Variants in ANK1 observed in about 807,000 individuals in gnomAD.
ANK1 encodes ankyrin-1.
A neutral mutation model predicts 210.4 loss-of-function variants in ANK1; 51 were observed. The observed-to-expected ratio is 0.24, with a 90% confidence interval of 0.19 to 0.31. The LOEUF is 0.31. Among genes scored for constraint, ANK1 ranks in the 10% least tolerant of loss-of-function variants. ANK1 has a pLI of 1.00. For missense variants in ANK1, 2,051 were observed against 2,504.4 expected, an observed-to-expected ratio of 0.82 and a Z score of 3.86; for synonymous variants, 967 against 1,025.9, an observed-to-expected ratio of 0.94 and a Z score of 1.10.
At chr8:41,736,597 T>G (rs1237627715) in intron 2 of ANK1, among the ~76,000 whole-genome samples, 1 of 152,194 alleles carries the variant, frequency 6.6e-6, no homozygotes, top group Non-Finnish European at 1.5e-5. Context: ...CAGCCTTGCC[T>G]CGGTGCTGAC....
chr8:41,823,603 GA>G (rs1012001732), intron 1 of ANK1, among the ~76,000 whole-genome samples: 15 of 145,222 alleles, frequency 1.0e-4, no homozygotes, highest in East Asian at 2.0e-4. Context: ...TACAAAAACT[GA>G]AAAAAAAAAA....
At chr8:41,872,609 C>T (rs921116288) in intron 1 of ANK1, among the ~76,000 whole-genome samples, 6 of 152,350 alleles carry the variant, frequency 3.9e-5, no homozygotes, top group South Asian at 2.1e-4. Flanking sequence ...CGCGTCCAGC[C>T]GCAGATGCAT....
At position 41,661,553 on chromosome 8, in the gene ANK1, T is replaced by C. The variant is rs376328374; in HGVS notation, c.5556A>G (p.Arg1852=). 9 of 1,613,774 alleles carry C rather than the reference T, an allele frequency of 5.6e-6. No individual in the cohort carries two copies. Among genetic ancestry groups the C allele is most frequent in the Non-Finnish European group, 4.2e-6 (5 of 1,180,024 alleles). The change falls in exon 42 of 43, where the codon AGA becomes AGG. Residue 1852 remains arginine, a synonymous_variant. Coordinates refer to ENST00000289734, the MANE Select transcript of ANK1 (RefSeq NM_000037.4). The part of the protein sequence containing the change: ...AAQEHEEVEL[R]GSGLQPDLIE... ...TCAGGTCCGGCTGTAGGCCACTCCC[T>C]CTCAGCTCCACCTGCAGACAGCAGC...
At chr8:41,668,659 C>T (rs1241911473) in intron 38 of ANK1, 95 bp from the exon 39 acceptor site, 7 of 1,347,724 alleles carry the variant, frequency 5.2e-6, no homozygotes, top group Non-Finnish European at 7.1e-6. Context: ...ACTCTCCCCA[C>T]CCAGAGCTCT....
intron 1 of ANK1, among the ~76,000 whole-genome samples, chr8:41,824,216 C>T (rs1283638974): frequency 2.0e-5 from 3 of 152,136 alleles, no homozygotes; most frequent in African/African-American, 7.2e-5. Context: ...CCAACCGCCT[C>T]GGCCTCCCAA....
intron 1 of ANK1, among the ~76,000 whole-genome samples, chr8:41,846,558 T>C (rs1251149630): frequency 6.6e-6 from 1 of 152,182 alleles, no homozygotes; most frequent in African/African-American, 2.4e-5. Flanking sequence ...CAAGGGGAAA[T>C]TGCTTCTTAA....
chr8:41,761,968 A>G (rs1395338807), intron 1 of ANK1, among the ~76,000 whole-genome samples: 1 of 151,568 alleles, frequency 6.6e-6, no homozygotes, highest in African/African-American at 2.4e-5. Flanking sequence ...CACCCAGCCA[A>G]CCTCCTCCAT....
chr8:41,716,408 A>G (rs1248044013), intron 13 of ANK1, among the ~76,000 whole-genome samples: 6 of 151,996 alleles, frequency 3.9e-5, no homozygotes, highest in Admixed American at 3.9e-4. Flanking sequence ...GCCAGGTCTC[A>G]TGGGGCCCAG....
At chr8:41,697,753 G>A in intron 24 of ANK1, 1 of 493,116 alleles carries the variant, frequency 2.0e-6, no homozygotes. Flanking sequence ...AAGACAGTGG[G>A]CTGGTCAAGG....
At chr8:41,674,656 G>A (rs1377821090) in intron 37 of ANK1, among the ~76,000 whole-genome samples, 1 of 152,202 alleles carries the variant, frequency 6.6e-6, no homozygotes, top group Non-Finnish European at 1.5e-5. Flanking sequence ...AACGTGCCCG[G>A]AGCCATGCTG....
At chr8:41,659,595 G>A (rs1313556181) in intron 42 of ANK1, among the ~76,000 whole-genome samples, 3 of 152,198 alleles carry the variant, frequency 2.0e-5, no homozygotes, top group African/African-American at 4.8e-5. Context: ...TGTAGCCTTT[G>A]CCCTGGTTGG....
intron 1 of ANK1, among the ~76,000 whole-genome samples, chr8:41,833,646 G>T (rs1250008572): frequency 2.6e-5 from 4 of 152,186 alleles, no homozygotes; most frequent in Non-Finnish European, 4.4e-5. Flanking sequence ...CCCAAAGATG[G>T]GCTAGAGTTT....
chr8:41,668,131 G>A, intron 39 of ANK1, 136 bp downstream of exon 39: 1 of 1,289,806 alleles, frequency 7.8e-7, no homozygotes, highest in Non-Finnish European at 1.1e-6. Flanking sequence ...TAGAGAAACG[G>A]AAGCACCACC....
At chr8:41,667,749 A>G (rs1254691218) in intron 39 of ANK1, among the ~76,000 whole-genome samples, 3 of 152,250 alleles carry the variant, frequency 2.0e-5, no homozygotes, top group Admixed American at 2.0e-4. Context: ...ACCGCCATCC[A>G]GAGTCCACGT....
intron 1 of ANK1, among the ~76,000 whole-genome samples, chr8:41,878,677 T>C (rs1421019092): frequency 6.6e-6 from 1 of 152,106 alleles, no homozygotes; most frequent in Non-Finnish European, 1.5e-5. Context: ...GAACAGAGCA[T>C]TGAAACATGC....
At chr8:41,665,202 C>A (rs1810071698) in intron 39 of ANK1, 2 of 1,529,858 alleles carry the variant, frequency 1.3e-6, no homozygotes, top group East Asian at 2.5e-5. Flanking sequence ...GGGCAGGACA[C>A]CGAATGGCCC....
chr8:41,792,123 G>A (rs1373495089), intron 1 of ANK1, among the ~76,000 whole-genome samples: 1 of 152,200 alleles, frequency 6.6e-6, no homozygotes, highest in Non-Finnish European at 1.5e-5. Flanking sequence ...AGTAAATTCA[G>A]GAGATAAATC....
At chr8:41,693,845 T>C in intron 29 of ANK1, 53 bp downstream of exon 29, 1 of 1,549,808 alleles carries the variant, frequency 6.5e-7, no homozygotes, top group Admixed American at 1.9e-5. Flanking sequence ...CCTACTGTGT[T>C]CCAGACGCAC....
At chr8:41,687,504 C>T (rs1247861423) in intron 35 of ANK1, among the ~76,000 whole-genome samples, 1 of 152,248 alleles carries the variant, frequency 6.6e-6, no homozygotes, top group Non-Finnish European at 1.5e-5. Flanking sequence ...ACCCTGCACT[C>T]TCCAACCAAT....
Sources: gnomAD v4.1 joint callset for allele counts (sites outside exome capture counted in the v4.1 genomes callset) on GRCh38, gnomAD v4.1.1 for gene constraint, MANE v1.5 for transcripts, NCBI Gene and HGNC (gene_info 2026-07-23, HGNC 2026-07-21) for gene names.